BET1: variants seen among roughly 807,000 people sequenced by gnomAD.
The protein encoded by BET1 is Bet1 golgi vesicular membrane trafficking protein, also known as BET1 homolog.
BET1 carries 9 observed loss-of-function variants against 13.9 expected under a neutral mutation model. The observed-to-expected ratio is 0.65, with a 90% CI of 0.39 to 1.13. The LOEUF (loss-of-function observed/expected upper bound fraction) is 1.13, where lower values mean the gene tolerates loss of function less well. Among genes scored for constraint, BET1 ranks in the 50% most tolerant of loss-of-function variants. The pLI is 0.01. For synonymous variants in BET1, 39 were observed against 47.3 expected (o/e 0.82, Z 0.72); for missense variants, 127 against 133.6 (o/e 0.95, Z 0.24).
downstream of BET1, among the ~76,000 whole-genome samples, chr7:93,989,132 G>A (rs931417031): frequency 6.6e-6 from 1 of 151,510 alleles, no homozygotes; most frequent in Non-Finnish European, 1.5e-5. Flanking sequence ...TCCTGTCTCA[G>A]CCTCCCGAGT....
At chr7:93,986,461 AC>A (rs1234966351) in intron 4 of BET1, among the ~76,000 whole-genome samples, 23 of 152,332 alleles carry the variant, frequency 1.5e-4, no homozygotes, top group Middle Eastern at 3.4e-3. Context: ...AAAGGTAATG[AC>A]TGCATCATCA....
At chr7:94,003,930 C>T (rs1477309881) in intron 1 of BET1, among the ~76,000 whole-genome samples, 1 of 152,058 alleles carries the variant, frequency 6.6e-6, no homozygotes, top group Non-Finnish European at 1.5e-5. Flanking sequence ...AACACTCGAC[C>T]ACTGAGATGC....
At chr7:93,975,222 G>A (rs1795318017) in intron 5 of BET1, among the ~76,000 whole-genome samples, 1 of 152,010 alleles carries the variant, frequency 6.6e-6, no homozygotes. Flanking sequence ...TTTGAAAAAT[G>A]TCTGTAATTT....
At chr7:93,998,754 A>C (rs1795826108) in intron 2 of BET1, among the ~76,000 whole-genome samples, 1 of 152,168 alleles carries the variant, frequency 6.6e-6, no homozygotes, top group Non-Finnish European at 1.5e-5. Flanking sequence ...TAGAAAGGCA[A>C]AGATAGAAAC....
chr7:94,003,217 A>G (rs1260262092), intron 1 of BET1, among the ~76,000 whole-genome samples: 1 of 151,016 alleles, frequency 6.6e-6, no homozygotes. Flanking sequence ...CCCATTTTCT[A>G]TGATCTAAGT....
At chr7:93,995,118 G>A (rs1795734077) in intron 3 of BET1, among the ~76,000 whole-genome samples, 1 of 152,206 alleles carries the variant, frequency 6.6e-6, no homozygotes. Flanking sequence ...AATGTTGGGA[G>A]TATAGGCGTG....
intron 5 of BET1, among the ~76,000 whole-genome samples, chr7:93,973,609 C>G (rs147318881): frequency 1.3e-5 from 2 of 151,866 alleles, no homozygotes; most frequent in African/African-American, 4.8e-5. Flanking sequence ...TTTTAAAAAC[C>G]TAGTGACTAC....
intron 4 of BET1, among the ~76,000 whole-genome samples, chr7:93,976,729 C>T (rs545550226): frequency 2.0e-4 from 30 of 151,924 alleles, no homozygotes; most frequent in East Asian, 9.7e-4. Flanking sequence ...TTTGGATATA[C>T]GCATAAGTCT....
chr7:93,977,628 C>G (rs1363488556), intron 4 of BET1, among the ~76,000 whole-genome samples: 4 of 152,098 alleles, frequency 2.6e-5, no homozygotes, highest in Non-Finnish European at 2.9e-5. Context: ...TTCTCTCTCT[C>G]TAGCTCTTAT....
downstream of BET1, among the ~76,000 whole-genome samples, chr7:93,990,098 A>C (rs1199778072): frequency 2.0e-5 from 3 of 151,960 alleles, no homozygotes; most frequent in East Asian, 5.8e-4. Context: ...GAAATAAGTT[A>C]AATATAAATA....
intron 6 of BET1, among the ~76,000 whole-genome samples, chr7:93,967,824 A>T (rs1795198615): frequency 6.6e-6 from 1 of 151,798 alleles, no homozygotes; most frequent in South Asian, 2.1e-4. Context: ...ACATCTCTGC[A>T]GTTATCACAA....
At chr7:93,973,333 A>C (rs1344517868) in intron 5 of BET1, among the ~76,000 whole-genome samples, 1 of 151,938 alleles carries the variant, frequency 6.6e-6, no homozygotes. Flanking sequence ...TTGAACAGTC[A>C]TTCTTGAATC....
chr7:93,983,634 T>TA lies in BET1; in HGVS notation c.236-7535dup, dbSNP rs1229830812. Among the ~76,000 whole-genome samples the TA allele has an allele frequency of 3.9e-5, 6 of 152,148 alleles. No individual in the cohort carries two copies. The South Asian group carries it at 1.2e-3, about 32-fold the overall frequency. The stretch of plus-strand genomic sequence containing the variant: ...TTACACTATATCAATTGGAAAGGGT[T>TA]AGTGTCTTATTAGTGGCTCCTCATT... On this transcript the variant is annotated intron_variant and NMD_transcript_variant, in intron 4 of 6. Coordinates refer to the BET1 transcript ENST00000357520.
At chr7:93,992,836 G>A, downstream of BET1, 1 of 944,874 alleles carries the variant, frequency 1.1e-6, no homozygotes, top group Non-Finnish European at 1.3e-6. Context: ...GCAAGTTAAG[G>A]AATAGAGATA....
At chr7:93,984,039 G>C (rs1014807022) in intron 4 of BET1, among the ~76,000 whole-genome samples, 4 of 152,136 alleles carry the variant, frequency 2.6e-5, no homozygotes, top group Admixed American at 1.3e-4. Context: ...CAATTCAGGA[G>C]GCTAGAACTT....
intron 5 of BET1, among the ~76,000 whole-genome samples, chr7:93,973,367 T>A (rs1795288617): frequency 6.6e-6 from 1 of 151,924 alleles, no homozygotes. Context: ...TGCTAGCTGA[T>A]GACTAAAGTA....
intron 4 of BET1, among the ~76,000 whole-genome samples, chr7:93,977,488 T>G (rs1795359888): frequency 6.6e-6 from 1 of 152,120 alleles, no homozygotes; most frequent in Non-Finnish European, 1.5e-5. Context: ...AAATAAAAAA[T>G]TGGTTTATAA....
At chr7:93,992,446 G>C, downstream of BET1, 2 of 985,136 alleles carry the variant, frequency 2.0e-6, no homozygotes, top group Non-Finnish European at 2.4e-6. Flanking sequence ...TCATTTTTAA[G>C]TCATTTTCTT....
At chr7:93,968,069 A>T (rs1341833098) in intron 6 of BET1, among the ~76,000 whole-genome samples, 6 of 151,796 alleles carry the variant, frequency 4.0e-5, no homozygotes, top group African/African-American at 1.4e-4. Flanking sequence ...CAATTTGGTT[A>T]TGAGCTCACT....
Sources: gnomAD v4.1 joint callset for allele counts (sites outside exome capture counted in the v4.1 genomes callset) on GRCh38, gnomAD v4.1.1 for gene constraint, MANE v1.5 for transcripts, NCBI Gene and HGNC (gene_info 2026-07-23, HGNC 2026-07-21) for gene names.